The following RAI1 variants were observed in gnomAD, a reference collection of about 807,000 sequenced individuals.
The protein encoded by RAI1 is retinoic acid-induced protein 1.
In RAI1, 9 loss-of-function variants were observed where a neutral mutation model predicts 123.8. The observed-to-expected ratio is 0.07, with a 90% CI of 0.04 to 0.13. RAI1 has a LOEUF of 0.13. RAI1 is among the 10% of genes least tolerant of loss of function. The probability of loss-of-function intolerance (pLI) is 1.00; values close to 1 mark genes in which losing one functional copy is unlikely to be tolerated. For synonymous variants in RAI1, 1,231 were observed against 1,127.3 expected, an observed-to-expected ratio of 1.09 and a Z score of -1.84; for missense variants, 2,256 against 2,545.8, an observed-to-expected ratio of 0.89 and a Z score of 2.45.
chr17:17,810,508 G>A lies in RAI1; in HGVS notation c.*527G>A, dbSNP rs867145257. On this transcript the variant is annotated 3_prime_UTR_variant, in exon 6 of 6. Transcript: ENST00000353383. The surrounding 1 kb of genome is among the most constrained non-coding windows in gnomAD (Gnocchi z 4.6). The stretch of plus-strand genomic sequence containing the variant: ...TCCGTGGACTAGGCGGGGGAGAAAG[G>A]AAGCCTTTCTGAGAGCGGGCTAGGC... The A allele has an allele frequency of 4.1e-5, 11 of 267,784 alleles. No individual in the cohort carries two copies. Among genetic ancestry groups the A allele is most frequent in the Non-Finnish European group, 7.5e-5 (10 of 133,946 alleles). 16.6% of individuals were successfully genotyped at this position (267,784 alleles called of 1,614,324 possible). A position where few individuals can be genotyped will look rare whatever the true frequency, so the allele number is the denominator to read the frequency against.
At chr17:17,713,522 T>A (rs1245409952) in intron 1 of RAI1, among the ~76,000 whole-genome samples, 2 of 152,126 alleles carry the variant, frequency 1.3e-5, no homozygotes, top group South Asian at 4.2e-4. Flanking sequence ...ACGCCTGTAG[T>A]CCCAGCTACT....
intron 2 of RAI1, among the ~76,000 whole-genome samples, chr17:17,747,046 G>T (rs913714430): frequency 1.3e-5 from 2 of 152,026 alleles, no homozygotes; most frequent in Non-Finnish European, 2.9e-5. Flanking sequence ...TTAATTCATC[G>T]CCCCCATTTC....
rs553404505 is a variant in RAI1 at position 17,799,485 on chromosome 17, C to T, written c.5565+972C>T. Among the ~76,000 whole-genome samples the T allele has an allele frequency of 6.6e-6, 1 of 152,238 alleles. No homozygotes were observed. Among genetic ancestry groups the T allele is most frequent in the East Asian group, 1.9e-4 (1 of 5,176 alleles). On this transcript the variant is annotated intron_variant, in intron 3 of 5. Transcript: ENST00000353383. The surrounding 1 kb of genome is among the most constrained non-coding windows in gnomAD (Gnocchi z 4.5). ...TCCCCCGGGGCCATGCTTCTGCCCCCACATTCAACCCCGACTCCACTGCCT... is the reference window on the plus strand; with the variant it reads ...TCCCCCGGGGCCATGCTTCTGCCCCTACATTCAACCCCGACTCCACTGCCT...
intron 1 of RAI1, among the ~76,000 whole-genome samples, chr17:17,688,420 A>G (rs1388135703): frequency 1.3e-5 from 2 of 151,118 alleles, no homozygotes; most frequent in Non-Finnish European, 3.0e-5. Flanking sequence ...GGGGGGTGGA[A>G]GTTGGAATGA....
chr17:17,804,648 TG>T (rs1290943323), intron 4 of RAI1, among the ~76,000 whole-genome samples: 2 of 138,986 alleles, frequency 1.4e-5, no homozygotes, highest in East Asian at 4.2e-4. Context: ...ACCCTAGTGG[TG>T]GGGGGTGGGG....
intron 2 of RAI1, among the ~76,000 whole-genome samples, chr17:17,782,531 G>T (rs992372095): frequency 6.6e-6 from 1 of 151,354 alleles, no homozygotes; most frequent in Non-Finnish European, 1.5e-5. Context: ...ATCTGGCAGT[G>T]GCCCCCCGCC....
intron 1 of RAI1, among the ~76,000 whole-genome samples, chr17:17,698,517 C>T (rs1311387893): frequency 6.6e-6 from 1 of 152,316 alleles, no homozygotes; most frequent in Non-Finnish European, 1.5e-5. Context: ...ATGTGTCTGT[C>T]ACTACTTTCC....
chr17:17,712,041 A>C (rs1915582238), intron 1 of RAI1, among the ~76,000 whole-genome samples: 1 of 152,238 alleles, frequency 6.6e-6, no homozygotes, highest in Non-Finnish European at 1.5e-5. Flanking sequence ...CGTTAACAAA[A>C]GGCACAGTGT....
chr17:17,790,540 GGGTACTGGTAATA>G (rs1413374152), intron 2 of RAI1, among the ~76,000 whole-genome samples: 3 of 152,130 alleles, frequency 2.0e-5, no homozygotes, highest in Non-Finnish European at 4.4e-5. Context: ...GGCAGGGAGG[GGGTACTGGTAATA>G]GCACCCCCTC....
chr17:17,764,839 C>T (rs1191556410), intron 2 of RAI1, among the ~76,000 whole-genome samples: 2 of 152,280 alleles, frequency 1.3e-5, no homozygotes, highest in Admixed American at 1.3e-4. Flanking sequence ...ATCTGCTTAC[C>T]TCGGCCTCCC....
chr17:17,795,599 G>T lies in RAI1; in HGVS notation c.2651G>T (p.Arg884Met). The T allele has an allele frequency of 6.2e-7, 1 of 1,613,010 alleles. No individual in the cohort carries two copies. Among genetic ancestry groups the T allele is most frequent in the Non-Finnish European group, 8.5e-7 (1 of 1,179,744 alleles). The change falls in exon 3 of 6, where the codon AGG becomes ATG. Residue 884 changes from arginine (R) to methionine (M), a missense_variant. Arg to Met is a moderately conservative substitution (Grantham distance 91, BLOSUM62 -1). Transcript: ENST00000353383. The surrounding 1 kb of genome is among the most constrained non-coding windows in gnomAD (Gnocchi z 5.9). The stretch of plus-strand genomic sequence containing the variant: ...GAGCTCCTGGGCAGCCCCGAGCAGA[G>T]GCCTGGCATGCAGGACCCGCTGTCA... ...LCELLGSPEQ[R>M]PGMQDPLSPK...
At chr17:17,776,733 C>T (rs2031361341) in intron 2 of RAI1, 1 of 143,702 alleles carries the variant, frequency 7.0e-6, no homozygotes, top group South Asian at 2.2e-4. Context: ...GGTGCAGTCA[C>T]AGCTCACTGC....
At chr17:17,755,383 G>A (rs924284101) in intron 2 of RAI1, among the ~76,000 whole-genome samples, 2 of 152,190 alleles carry the variant, frequency 1.3e-5, no homozygotes, top group African/African-American at 2.4e-5. Context: ...AGGAGGGCAG[G>A]GAGAGCACTG....
rs1271665091 is a variant in RAI1 at position 17,714,797 on chromosome 17, G to T, written c.-148-9231G>T. On this transcript the variant is annotated intron_variant, in intron 1 of 5. Transcript: ENST00000353383. This position sits in a 1 kb window ranked among gnomAD's most constrained non-coding sequence, Gnocchi z 4.9. ...TGAGCTCGGGCCATCCACTTGTCGTGGTGGGTGAAGGGTCTGGTCCGCAGG... is the reference window on the plus strand; with the variant it reads ...TGAGCTCGGGCCATCCACTTGTCGTTGTGGGTGAAGGGTCTGGTCCGCAGG... Among the ~76,000 whole-genome samples, 1 of 152,190 alleles carries T rather than the reference G, an allele frequency of 6.6e-6. No individual in the cohort carries two copies.
In RAI1 at chr17:17,744,789, CAAAAAAAAAAAAA is replaced by C. The variant is rs58984430; in HGVS notation, c.-17+20642_-17+20654del. 2.1e-4 allele frequency among the ~76,000 whole-genome samples: 10 copies of C among 46,812 alleles called. No individual in the cohort carries two copies. The South Asian group carries it at 4.6e-3, about 22-fold the overall frequency. The allele number at this position is 46,812 out of a possible 152,430, so 30.7% of individuals were successfully genotyped here. A position where few individuals can be genotyped will look rare whatever the true frequency, so the allele number is the denominator to read the frequency against. On this transcript the variant is annotated intron_variant, in intron 2 of 5. Transcript: ENST00000353383. Reference sequence around the variant, plus strand: ...TGGGTGACAGGTTGAGACTCCGTCTCAAAAAAAAAAAAAAAAAAAAAAAAGGAAAACTGTAGAG... The same window carrying C: ...TGGGTGACAGGTTGAGACTCCGTCTCAAAAAAAAAAAGGAAAACTGTAGAG...
chr17:17,719,728 A>G (rs749334777), intron 1 of RAI1, among the ~76,000 whole-genome samples: 8 of 152,162 alleles, frequency 5.3e-5, no homozygotes, highest in Non-Finnish European at 7.3e-5. Flanking sequence ...GTAGGTGCTC[A>G]GTAAATATGT....
intron 1 of RAI1, among the ~76,000 whole-genome samples, chr17:17,723,077 T>C (rs1368834344): frequency 6.6e-6 from 1 of 152,050 alleles, no homozygotes; most frequent in Non-Finnish European, 1.5e-5. Flanking sequence ...TGCCCCTACA[T>C]GCGCAGCCCC....
intron 2 of RAI1, among the ~76,000 whole-genome samples, chr17:17,785,177 C>T (rs1478732131): frequency 6.6e-6 from 1 of 152,224 alleles, no homozygotes; most frequent in Non-Finnish European, 1.5e-5. Context: ...CACAGGTGAA[C>T]CAGTGCAGGC....
At chr17:17,723,411 A>G (rs904110423) in intron 1 of RAI1, among the ~76,000 whole-genome samples, 1 of 145,552 alleles carries the variant, frequency 6.9e-6, no homozygotes, top group African/African-American at 2.5e-5. Context: ...TGATACACAC[A>G]CGGACCTAAA....
Sources: allele counts gnomAD v4.1 joint callset (sites outside exome capture counted in the v4.1 genomes callset), GRCh38; gene constraint gnomAD v4.1.1; non-coding constraint Gnocchi (gnomAD v3.1); transcripts MANE v1.5; gene names NCBI Gene and HGNC (gene_info 2026-07-23, HGNC 2026-07-21).